SPRED2: variants seen among roughly 807,000 people sequenced by gnomAD.
SPRED2 encodes the protein sprouty related EVH1 domain containing 2.
A neutral mutation model predicts 43.0 loss-of-function variants in SPRED2; 47 were observed. The observed-to-expected ratio is 1.09, with a 90% CI of 0.87 to 1.40. The LOEUF (loss-of-function observed/expected upper bound fraction) is 1.40, where lower values mean the gene tolerates loss of function less well. SPRED2 is among the 40% of genes most tolerant of loss of function. The probability of loss-of-function intolerance (pLI) is 0.00; values close to 1 mark genes in which losing one functional copy is unlikely to be tolerated. For synonymous variants in SPRED2, 225 were observed against 225.7 expected (o/e 1.00, Z 0.03); for missense variants, 561 against 586.4 (o/e 0.96, Z 0.45).
At chr2:65,366,506 A>G (rs1414666773) in intron 1 of SPRED2, 62 of 1,434,186 alleles carry the variant, frequency 4.3e-5, no homozygotes, top group Non-Finnish European at 5.7e-5. Flanking sequence ...TCTCCTTTAA[A>G]AAAATGCTAA....
intron 1 of SPRED2, among the ~76,000 whole-genome samples, chr2:65,377,392 A>G (rs2103631049): frequency 6.6e-6 from 1 of 152,310 alleles, no homozygotes; most frequent in South Asian, 2.1e-4. Context: ...GTAGCACTGG[A>G]TTGGTATTTG....
At chr2:65,327,929 G>A (rs560623430) in intron 4 of SPRED2, among the ~76,000 whole-genome samples, 203 of 151,628 alleles carry the variant, frequency 1.3e-3, no homozygotes, top group Non-Finnish European at 1.8e-3. Flanking sequence ...TCACCATGTT[G>A]GCCAGGCTGG....
intron 1 of SPRED2, among the ~76,000 whole-genome samples, chr2:65,429,043 A>G (rs1376891229): frequency 6.6e-6 from 1 of 152,240 alleles, no homozygotes; most frequent in Admixed American, 6.5e-5. Flanking sequence ...TATGGAAGAT[A>G]TCTTTTGGGA....
intron 1 of SPRED2, among the ~76,000 whole-genome samples, chr2:65,382,831 G>GGT (rs1281197928): frequency 2.0e-5 from 3 of 152,130 alleles, no homozygotes; most frequent in Non-Finnish European, 4.4e-5. Flanking sequence ...CAACAGCCCA[G>GGT]GTGGCAAGGA....
At chr2:65,409,691 C>CAAAAAAAAAAAAA (rs59225849) in intron 1 of SPRED2, among the ~76,000 whole-genome samples, 1 of 90,228 alleles carries the variant, frequency 1.1e-5, no homozygotes. Context: ...CAGTTTCCTG[C>CAAAAAAAAAAAAA]AAAAAAAAAA....
chr2:65,407,245 C>CT lies in SPRED2; in HGVS notation c.26+24716dup, dbSNP rs70943650. ...TCTTTCTCAAATGGGGCGCTGGCTC[C>CT]TTTTTTTTTTTTTGCTAAAAGTCCC... On this transcript the variant is annotated intron_variant, in intron 1 of 5. Transcript: ENST00000356388. Among the ~76,000 whole-genome samples the CT allele has an allele frequency of 7.7e-4, 93 of 120,938 alleles. 1 individual carries two copies. The highest frequency in any genetic ancestry group is 1.3e-3 in the East Asian group (6 of 4,666). 79.3% of individuals were successfully genotyped at this position (120,938 alleles called of 152,430 possible). A position where few individuals can be genotyped will look rare whatever the true frequency, so the allele number is the denominator to read the frequency against.
At chr2:65,340,727 C>T (rs894174029) in intron 2 of SPRED2, among the ~76,000 whole-genome samples, 10 of 152,132 alleles carry the variant, frequency 6.6e-5, no homozygotes, top group African/African-American at 2.4e-4. Context: ...CAATATGTAA[C>T]GAAACAAACT....
intron 1 of SPRED2, among the ~76,000 whole-genome samples, chr2:65,376,722 AT>A (rs796620315): frequency 4.0e-5 from 6 of 149,578 alleles, no homozygotes; most frequent in Admixed American, 6.7e-5. Flanking sequence ...GTCTTTCCAT[AT>A]TTTTTTTTTG....
chr2:65,425,462 C>G (rs567870766), intron 1 of SPRED2, among the ~76,000 whole-genome samples: 1 of 152,142 alleles, frequency 6.6e-6, no homozygotes, highest in Admixed American at 6.6e-5. Flanking sequence ...TTTGATAATA[C>G]GTGTGCAATA....
At chr2:65,401,884 C>A (rs993721953) in intron 1 of SPRED2, among the ~76,000 whole-genome samples, 3 of 150,878 alleles carry the variant, frequency 2.0e-5, no homozygotes, top group Non-Finnish European at 3.0e-5. Context: ...ATGCTAACAT[C>A]TACACTACTC....
intron 1 of SPRED2, among the ~76,000 whole-genome samples, chr2:65,426,276 T>C (rs962952751): frequency 6.6e-6 from 1 of 152,226 alleles, no homozygotes; most frequent in Admixed American, 6.5e-5. Context: ...GTGAACATGG[T>C]TGAGTTTCTC....
At chr2:65,399,126 C>G (rs546135642) in intron 1 of SPRED2, among the ~76,000 whole-genome samples, 178 of 151,738 alleles carry the variant, frequency 1.2e-3, no homozygotes, top group African/African-American at 4.2e-3. Context: ...AAAAATAAGC[C>G]GGGTGTGGTG....
intron 1 of SPRED2, among the ~76,000 whole-genome samples, chr2:65,351,300 C>T (rs1270994867): frequency 6.6e-5 from 10 of 152,168 alleles, no homozygotes; most frequent in African/African-American, 1.4e-4. Flanking sequence ...TAATGCTGTC[C>T]GCCATCTGTG....
intron 1 of SPRED2, among the ~76,000 whole-genome samples, chr2:65,404,572 C>T (rs1334777400): frequency 6.6e-6 from 1 of 152,188 alleles, no homozygotes; most frequent in Non-Finnish European, 1.5e-5. Context: ...TCAGCAGATA[C>T]TTCTTGAGCC....
intron 1 of SPRED2, among the ~76,000 whole-genome samples, chr2:65,422,719 G>C (rs1408489428): frequency 1.3e-5 from 2 of 152,016 alleles, no homozygotes; most frequent in African/African-American, 4.8e-5. Flanking sequence ...TAGTACAAAA[G>C]ACATCTTAGA....
intron 1 of SPRED2, among the ~76,000 whole-genome samples, chr2:65,411,902 C>T (rs756740410): frequency 1.3e-5 from 2 of 151,924 alleles, no homozygotes; most frequent in African/African-American, 2.4e-5. Context: ...CCGAGGCAGG[C>T]GGATCACAAG....
intron 1 of SPRED2, among the ~76,000 whole-genome samples, chr2:65,374,680 G>C (rs1675198962): frequency 6.6e-6 from 1 of 152,180 alleles, no homozygotes. Context: ...AATTCTTCCT[G>C]GCTCTGCCAC....
At chr2:65,416,079 T>G (rs1055120907) in intron 1 of SPRED2, among the ~76,000 whole-genome samples, 1 of 152,246 alleles carries the variant, frequency 6.6e-6, no homozygotes, top group African/African-American at 2.4e-5. Flanking sequence ...AGGTTTGATT[T>G]GGGTGTTGCC....
intron 1 of SPRED2, among the ~76,000 whole-genome samples, chr2:65,402,278 CAAAAAAAAAAAAAAA>C (rs58209803): frequency 1.6e-5 from 1 of 64,404 alleles, no homozygotes. Flanking sequence ...GACTCTGTCT[CAAAAAAAAAAAAAAA>C]AAAAAAAAAA....
Sources: allele counts gnomAD v4.1 joint callset (sites outside exome capture counted in the v4.1 genomes callset), GRCh38; gene constraint gnomAD v4.1.1; transcripts MANE v1.5; gene names NCBI Gene and HGNC (gene_info 2026-07-23, HGNC 2026-07-21).